CNTNAP5: variants seen among roughly 807,000 people sequenced by gnomAD.
CNTNAP5 encodes the protein contactin associated protein family member 5, also known as contactin-associated protein-like 5.
A neutral mutation model predicts 150.2 loss-of-function variants in CNTNAP5; 72 were observed. The observed-to-expected ratio is 0.48, with a 90% CI of 0.40 to 0.58. The LOEUF (loss-of-function observed/expected upper bound fraction) is 0.58, where lower values mean the gene tolerates loss of function less well. Ranked by LOEUF, CNTNAP5 falls within the 20% of genes least tolerant of loss-of-function variation. The pLI is 0.00. For missense variants in CNTNAP5, 1,636 were observed against 1,626.2 expected (o/e 1.01, Z -0.10); for synonymous variants, 672 against 619.8 (o/e 1.08, Z -1.25).
intron 21 of CNTNAP5, among the ~76,000 whole-genome samples, chr2:124,883,339 G>A (rs868751126): frequency 6.6e-6 from 1 of 152,068 alleles, no homozygotes; most frequent in African/African-American, 2.4e-5. Context: ...TGGGATTACA[G>A]GTGTGAGCCA....
intron 6 of CNTNAP5, among the ~76,000 whole-genome samples, chr2:124,450,077 T>C (rs1692927692): frequency 6.6e-6 from 1 of 152,118 alleles, no homozygotes; most frequent in East Asian, 1.9e-4. Context: ...CAACGTTGCA[T>C]ATCAATTAGA....
intron 3 of CNTNAP5, among the ~76,000 whole-genome samples, chr2:124,345,945 T>A (rs1689726786): frequency 1.3e-5 from 2 of 152,220 alleles, no homozygotes; most frequent in Admixed American, 6.5e-5. Flanking sequence ...GAAAATTACT[T>A]ACCATAAGAC....
At chr2:124,715,076 G>A (rs546210457) in intron 13 of CNTNAP5, among the ~76,000 whole-genome samples, 5 of 152,166 alleles carry the variant, frequency 3.3e-5, no homozygotes, top group African/African-American at 1.2e-4. Flanking sequence ...TAATGCTATT[G>A]CTTGGATCCC....
At chr2:124,624,026 A>C (rs1311919984) in intron 12 of CNTNAP5, among the ~76,000 whole-genome samples, 1 of 152,194 alleles carries the variant, frequency 6.6e-6, no homozygotes. Flanking sequence ...GATGTTGACC[A>C]AAGTGTGGTG....
chr2:124,351,767 G>A (rs1037135076), intron 3 of CNTNAP5, among the ~76,000 whole-genome samples: 4 of 152,098 alleles, frequency 2.6e-5, no homozygotes, highest in Non-Finnish European at 5.9e-5. Flanking sequence ...TATTTTACTT[G>A]GGAATAAAAG....
At chr2:124,738,412 T>A (rs548322344) in intron 13 of CNTNAP5, among the ~76,000 whole-genome samples, 3 of 152,172 alleles carry the variant, frequency 2.0e-5, no homozygotes, top group Non-Finnish European at 4.4e-5. Flanking sequence ...TCTCGTGTTA[T>A]TTCATGATGT....
intron 1 of CNTNAP5, among the ~76,000 whole-genome samples, chr2:124,075,782 C>T (rs1180422832): frequency 1.3e-5 from 2 of 152,160 alleles, no homozygotes; most frequent in African/African-American, 4.8e-5. Flanking sequence ...AGTGATGTGA[C>T]TGGCCACTGG....
At chr2:124,128,861 T>C (rs898316352) in intron 1 of CNTNAP5, among the ~76,000 whole-genome samples, 3 of 151,940 alleles carry the variant, frequency 2.0e-5, no homozygotes, top group Non-Finnish European at 4.4e-5. Context: ...AATTGAACAA[T>C]GAGAATACTT....
chr2:124,577,868 G>T (rs1362952500), intron 11 of CNTNAP5, among the ~76,000 whole-genome samples: 9 of 152,026 alleles, frequency 5.9e-5, no homozygotes, highest in African/African-American at 2.4e-5. Context: ...GGGGTCAGAG[G>T]GATATGGACT....
intron 12 of CNTNAP5, among the ~76,000 whole-genome samples, chr2:124,626,053 A>G (rs1429296968): frequency 6.6e-6 from 1 of 152,200 alleles, no homozygotes; most frequent in African/African-American, 2.4e-5. Context: ...CAACACACCC[A>G]GTACAATATC....
intron 1 of CNTNAP5, among the ~76,000 whole-genome samples, chr2:124,195,992 T>TG (rs879484645): frequency 6.6e-6 from 1 of 152,174 alleles, no homozygotes; most frequent in African/African-American, 2.4e-5. Context: ...TAATTGTGGC[T>TG]GGGAATCACA....
At chr2:124,262,773 A>G (rs1687491724) in intron 3 of CNTNAP5, among the ~76,000 whole-genome samples, 2 of 147,846 alleles carry the variant, frequency 1.4e-5, no homozygotes, top group Admixed American at 6.7e-5. Context: ...TACATTGGGT[A>G]TATCTCCTAA....
At chr2:124,632,384 C>T (rs145814422) in intron 12 of CNTNAP5, among the ~76,000 whole-genome samples, 96 of 152,170 alleles carry the variant, frequency 6.3e-4, no homozygotes, top group East Asian at 1.4e-3. Flanking sequence ...TAAAAAGAAA[C>T]GAGATCATGT....
chr2:124,389,761 A>T (rs1003755757), intron 3 of CNTNAP5, among the ~76,000 whole-genome samples: 2 of 152,114 alleles, frequency 1.3e-5, no homozygotes, highest in African/African-American at 4.8e-5. Context: ...AGGCTAGAAG[A>T]TTGAGACAGT....
intron 1 of CNTNAP5, among the ~76,000 whole-genome samples, chr2:124,044,888 A>AC (rs1681482791): frequency 9.6e-6 from 1 of 104,206 alleles, no homozygotes; most frequent in Non-Finnish European, 1.8e-5. Flanking sequence ...GGTAGTGAGG[A>AC]AACACACACA....
chr2:124,616,205 T>C (rs2104991026), intron 12 of CNTNAP5, among the ~76,000 whole-genome samples: 1 of 152,290 alleles, frequency 6.6e-6, no homozygotes, highest in South Asian at 2.1e-4. Flanking sequence ...TCTTCTCTTC[T>C]CTACCTCTGA....
At chr2:124,289,788 A>G (rs1688241658) in intron 3 of CNTNAP5, among the ~76,000 whole-genome samples, 1 of 152,204 alleles carries the variant, frequency 6.6e-6, no homozygotes, top group African/African-American at 2.4e-5. Flanking sequence ...TTCCTGTGCC[A>G]TGCTCTTTGC....
At chr2:124,080,951 G>T (rs1898788) in intron 1 of CNTNAP5, among the ~76,000 whole-genome samples, 37,186 of 151,972 alleles carry the variant, frequency 0.24, 4,865 homozygotes, top group Middle Eastern at 0.32. Flanking sequence ...TGTTAGAGGT[G>T]ATTGAAGGAT....
At chr2:124,719,247 A>T (rs1292809056) in intron 13 of CNTNAP5, among the ~76,000 whole-genome samples, 1 of 152,242 alleles carries the variant, frequency 6.6e-6, no homozygotes, top group Non-Finnish European at 1.5e-5. Flanking sequence ...ATAAAAGTGC[A>T]TATCTACATC....
Sources: gnomAD v4.1 joint callset for allele counts (sites outside exome capture counted in the v4.1 genomes callset) on GRCh38, gnomAD v4.1.1 for gene constraint, MANE v1.5 for transcripts, NCBI Gene and HGNC (gene_info 2026-07-23, HGNC 2026-07-21) for gene names.